Variants in NRXN3 observed in about 807,000 individuals in gnomAD.
NRXN3 encodes the protein neurexin 3.
NRXN3 carries 32 observed loss-of-function variants against 137.6 expected under a neutral mutation model. The ratio of observed to expected loss-of-function variants is 0.23; its 90% CI spans 0.18 to 0.31. The LOEUF is 0.31. Ranked by LOEUF, NRXN3 falls within the 10% of genes least tolerant of loss-of-function variation. The pLI is 1.00. For synonymous variants in NRXN3, 798 were observed against 784.5 expected, an observed-to-expected ratio of 1.02 and a Z score of -0.29; for missense variants, 1,574 against 2,062.5, an observed-to-expected ratio of 0.76 and a Z score of 4.59.
chr14:78,643,941 G>A (rs1374766752), intron 4 of NRXN3, among the ~76,000 whole-genome samples: 2 of 152,096 alleles, frequency 1.3e-5, no homozygotes, highest in African/African-American at 2.4e-5. Context: ...AAGAGATTGA[G>A]ACCATCCTGG....
At chr14:78,934,820 G>A (rs1056036013) in intron 10 of NRXN3, among the ~76,000 whole-genome samples, 23 of 151,932 alleles carry the variant, frequency 1.5e-4, no homozygotes, top group Middle Eastern at 3.2e-3. Context: ...TGGGGTGGGG[G>A]GAGTGGGGAG....
rs192552400 is a variant in NRXN3 at position 78,682,053 on chromosome 14, A to G, written c.1222-27164A>G. ...CGGCTAATTTTTGTATTTTTAGTAG[A>G]GATGCGGTTTCACCATGTTGGCCAG... On this transcript the variant is annotated intron_variant, in intron 6 of 20. Coordinates refer to ENST00000335750, the MANE Select transcript of NRXN3 (RefSeq NM_001330195.2). 8.1e-3 allele frequency among the ~76,000 whole-genome samples: 1,232 copies of G among 151,978 alleles called. 19 individuals are homozygous for G. The highest frequency in any genetic ancestry group is 0.029 in the African/African-American group (1,185 of 41,462).
chr14:79,037,685 T>C (rs1388841368), intron 15 of NRXN3, among the ~76,000 whole-genome samples: 2 of 152,150 alleles, frequency 1.3e-5, no homozygotes, highest in African/African-American at 2.4e-5. Context: ...TAAAAGAGTG[T>C]GTCATTTTAA....
chr14:79,189,690 A>G (rs1791204058), intron 15 of NRXN3, among the ~76,000 whole-genome samples: 1 of 152,182 alleles, frequency 6.6e-6, no homozygotes, highest in African/African-American at 2.4e-5. Flanking sequence ...GGGTACATGC[A>G]ATATAGGCCT....
intron 16 of NRXN3, among the ~76,000 whole-genome samples, chr14:79,626,293 A>G (rs548361283): frequency 1.3e-5 from 2 of 152,180 alleles, no homozygotes; most frequent in East Asian, 3.9e-4. Flanking sequence ...TAGATCTTCA[A>G]GGCAGTCTGG....
chr14:78,572,177 C>T (rs1362921699), intron 4 of NRXN3, among the ~76,000 whole-genome samples: 1 of 152,224 alleles, frequency 6.6e-6, no homozygotes, highest in Non-Finnish European at 1.5e-5. Flanking sequence ...GGTGTTTCTA[C>T]TGACATGATA....
At chr14:78,584,486 T>C (rs2097040061) in intron 4 of NRXN3, among the ~76,000 whole-genome samples, 1 of 152,178 alleles carries the variant, frequency 6.6e-6, no homozygotes, top group Admixed American at 6.5e-5. Context: ...CTGAACATCA[T>C]TGTCCTACAG....
chr14:79,608,252 G>A (rs2098049069), intron 16 of NRXN3, among the ~76,000 whole-genome samples: 1 of 152,152 alleles, frequency 6.6e-6, no homozygotes. Flanking sequence ...AATGGGAAAG[G>A]GGAGAGTTTC....
intron 15 of NRXN3, among the ~76,000 whole-genome samples, chr14:79,194,955 A>G (rs2064939213): frequency 6.6e-6 from 1 of 151,076 alleles, no homozygotes; most frequent in African/African-American, 2.4e-5. Flanking sequence ...TTTTTATCTT[A>G]TTTTCTTTTT....
intron 15 of NRXN3, among the ~76,000 whole-genome samples, chr14:79,117,909 A>T (rs752658523): frequency 8.5e-5 from 13 of 152,278 alleles, no homozygotes; most frequent in Non-Finnish European, 1.3e-4. Context: ...CTCAAGCCTG[A>T]GTGTGTGCTT....
intron 10 of NRXN3, among the ~76,000 whole-genome samples, chr14:78,840,856 A>G (rs1169329554): frequency 1.3e-5 from 2 of 152,238 alleles, no homozygotes; most frequent in African/African-American, 2.4e-5. Context: ...TAATCAGTCA[A>G]TCTAATTAGA....
intron 10 of NRXN3, among the ~76,000 whole-genome samples, chr14:78,863,129 C>G (rs926696303): frequency 1.4e-4 from 22 of 152,070 alleles, no homozygotes; most frequent in Admixed American, 1.3e-3. Context: ...CTATTAAAAC[C>G]ACGAGTATCC....
In NRXN3 at chr14:78,831,952, C is replaced by T. The variant is rs914986532; in HGVS notation, c.2275+21608C>T. Among the ~76,000 whole-genome samples the T allele has an allele frequency of 3.3e-5, 5 of 151,626 alleles. No individual in the cohort carries two copies. The South Asian group carries it at 8.4e-4, about 26-fold the overall frequency. On this transcript the variant is annotated intron_variant, in intron 10 of 20. Coordinates refer to ENST00000335750, the MANE Select transcript of NRXN3 (RefSeq NM_001330195.2). Reference sequence around the variant, plus strand: ...GAAAAAGACTTAGTGTCTTGGTGTACAAGAGTGGGGTAATACCAGCATGTT... The same window carrying T: ...GAAAAAGACTTAGTGTCTTGGTGTATAAGAGTGGGGTAATACCAGCATGTT...
In NRXN3 at chr14:79,692,174, C is replaced by G; in HGVS notation, c.3618C>G (p.Gly1206=). 6.2e-7 allele frequency: 1 copy of G among 1,602,952 alleles called. No individual in the cohort carries two copies. Among genetic ancestry groups the G allele is most frequent in the East Asian group, 2.2e-5 (1 of 44,512 alleles). ...NWPVNEHYPT[G]NTDNERFQMV... ...TAAGCTGTTTTTTAAACTTTAAAGGCAACACTGATAATGAACGCTTCCAAA... is the reference window on the plus strand; with the variant it reads ...TAAGCTGTTTTTTAAACTTTAAAGGGAACACTGATAATGAACGCTTCCAAA... The change falls in exon 18 of 21, where the codon GGC becomes GGG. Residue 1206 remains glycine (G), a splice_region_variant and synonymous_variant. Transcript: ENST00000335750.
chr14:78,930,425 A>G (rs2099318323), intron 10 of NRXN3, among the ~76,000 whole-genome samples: 1 of 152,230 alleles, frequency 6.6e-6, no homozygotes, highest in Non-Finnish European at 1.5e-5. Context: ...ATGGTATGTT[A>G]AGAAGGAGGA....
chr14:79,802,143 T>A (rs1467566326), intron 19 of NRXN3, among the ~76,000 whole-genome samples: 1 of 152,222 alleles, frequency 6.6e-6, no homozygotes, highest in Non-Finnish European at 1.5e-5. Context: ...AATGTATGTT[T>A]TGGTTTCTAC....
chr14:79,264,230 A>G (rs2078085547), intron 15 of NRXN3, among the ~76,000 whole-genome samples: 1 of 152,092 alleles, frequency 6.6e-6, no homozygotes, highest in Non-Finnish European at 1.5e-5. Flanking sequence ...CTGGGGTTAC[A>G]GAAGCCCACC....
At chr14:78,227,515 T>G (rs1324039594) in intron 1 of NRXN3, among the ~76,000 whole-genome samples, 1 of 152,230 alleles carries the variant, frequency 6.6e-6, no homozygotes, top group African/African-American at 2.4e-5. Context: ...CTGTGCGTAT[T>G]GCCTGTTTTC....
At chr14:78,171,241 G>C (rs2058696027) in intron 1 of NRXN3, among the ~76,000 whole-genome samples, 1 of 149,104 alleles carries the variant, frequency 6.7e-6, no homozygotes, top group African/African-American at 2.5e-5. Flanking sequence ...TTTTTTGAGG[G>C]GGTGTGAGGA....
Sources: allele counts gnomAD v4.1 joint callset (sites outside exome capture counted in the v4.1 genomes callset), GRCh38; gene constraint gnomAD v4.1.1; transcripts MANE v1.5; gene names NCBI Gene and HGNC (gene_info 2026-07-23, HGNC 2026-07-21).